Variants in CALD1 observed in about 807,000 individuals in gnomAD.
The protein encoded by CALD1 is caldesmon.
Under a neutral mutation model 99.9 loss-of-function variants are expected in CALD1, and 33 were observed. The observed-to-expected ratio is 0.33, with a 90% confidence interval of 0.25 to 0.44. CALD1 has a LOEUF of 0.44. Ranked by LOEUF, CALD1 falls within the 20% of genes least tolerant of loss-of-function variation. CALD1 has a pLI of 1.00. For synonymous variants in CALD1, 310 were observed against 325.0 expected (o/e 0.95, Z 0.50); for missense variants, 861 against 962.1 (o/e 0.89, Z 1.39).
In CALD1 at chr7:134,968,593, C is replaced by T; in HGVS notation, c.*248C>T. ...AGAAACCCATGCTGTGAAATAGAGA[C>T]TTTTCTACTGATCATCATAACTCTG... On this transcript the variant is annotated 3_prime_UTR_variant, in exon 15 of 15. Transcript: ENST00000361675. 1 of 685,590 alleles carries T rather than the reference C, an allele frequency of 1.5e-6. No individual in the cohort carries two copies. Among genetic ancestry groups the T allele is most frequent in the Non-Finnish European group, 2.7e-6 (1 of 373,860 alleles). 42.5% of individuals were successfully genotyped at this position (685,590 alleles called of 1,614,324 possible).
At chr7:134,899,338 G>A (rs1563078995) in intron 3 of CALD1, among the ~76,000 whole-genome samples, 1 of 151,686 alleles carries the variant, frequency 6.6e-6, no homozygotes. Flanking sequence ...TGAGTAGCTG[G>A]GATTACAGGC....
chr7:134,836,772 T>C (rs1799459133), intron 1 of CALD1, among the ~76,000 whole-genome samples: 1 of 152,218 alleles, frequency 6.6e-6, no homozygotes, highest in South Asian at 2.1e-4. Context: ...GTACAGAACT[T>C]TTCATGAAGC....
intron 3 of CALD1, among the ~76,000 whole-genome samples, chr7:134,876,898 T>G (rs1187932921): frequency 6.6e-6 from 1 of 152,174 alleles, no homozygotes; most frequent in Non-Finnish European, 1.5e-5. Context: ...TGGGACAGAT[T>G]TGGAGTGGGA....
At chr7:134,932,663 C>T (rs1805607852) in intron 4 of CALD1, among the ~76,000 whole-genome samples, 1 of 152,152 alleles carries the variant, frequency 6.6e-6, no homozygotes, top group African/African-American at 2.4e-5. Context: ...ATACACACCT[C>T]GGAGTTATCC....
At chr7:134,813,709 G>C (rs10248868) in intron 1 of CALD1, among the ~76,000 whole-genome samples, 6,723 of 152,238 alleles carry the variant, frequency 0.044, 483 homozygotes, top group African/African-American at 0.15. Context: ...AGGATGTTTG[G>C]ACTTGGGAAA....
chr7:134,827,618 C>T lies in CALD1; in HGVS notation c.-129-16266C>T, dbSNP rs187744307. Among the ~76,000 whole-genome samples the T allele has an allele frequency of 9.7e-4, 148 of 152,292 alleles. 3 individuals carry two copies. The highest frequency in any genetic ancestry group is 8.2e-3 in the Admixed American group (125 of 15,300). ...CTTTCTGGACTTGGCCAGATGACAA[C>T]GGCAATGGCCCAGGCACAGGAAAGA... On this transcript the variant is annotated intron_variant, in intron 1 of 14. Transcript: ENST00000361675.
the CALD1 span, among the ~76,000 whole-genome samples, chr7:134,738,463 G>A: frequency 6.6e-6 from 1 of 152,056 alleles, no homozygotes; most frequent in African/African-American, 2.4e-5. Flanking sequence ...AGATTTTCTG[G>A]CTTAACAATT....
rs185900275 is a variant in CALD1, at chr7:134,787,394, T to A, written c.-130+7645T>A. On this transcript the variant is annotated intron_variant, in intron 1 of 14. Transcript: ENST00000361675. ...AGGGGTGAATCTAGGAGAAAAAAAA[T>A]TTTAAGTATTTCTGTTCTTAGGAGG... Among the ~76,000 whole-genome samples the A allele has an allele frequency of 4.7e-4, 71 of 152,156 alleles. No homozygotes were observed. The East Asian group carries it at 7.5e-3, about 16-fold the overall frequency.
chr7:134,782,517 T>C (rs1797145773), intron 1 of CALD1, among the ~76,000 whole-genome samples: 1 of 152,234 alleles, frequency 6.6e-6, no homozygotes, highest in Admixed American at 6.5e-5. Context: ...GCTTAACTTA[T>C]GAGAACCACT....
At chr7:134,957,938 C>T (rs1807899929) in intron 9 of CALD1, 131 bp from the exon 10 acceptor site, 1 of 683,048 alleles carries the variant, frequency 1.5e-6, no homozygotes, top group Admixed American at 2.3e-5. Context: ...GAGCTACGCA[C>T]AGTAACTCAA....
At chr7:134,712,885 GA>G in the CALD1 span, among the ~76,000 whole-genome samples, 1 of 152,160 alleles carries the variant, frequency 6.6e-6, no homozygotes, top group African/African-American at 2.4e-5. Flanking sequence ...AATCCAAGAG[GA>G]AAACATGCCT....
chr7:134,871,154 C>A (rs904351999), intron 3 of CALD1, among the ~76,000 whole-genome samples: 6 of 152,044 alleles, frequency 3.9e-5, no homozygotes, highest in Middle Eastern at 3.2e-3. Flanking sequence ...TTTTTTCTCG[C>A]TTTTGGTATT....
chr7:134,784,677 T>C (rs1033482455), intron 1 of CALD1, among the ~76,000 whole-genome samples: 1 of 152,160 alleles, frequency 6.6e-6, no homozygotes, highest in Non-Finnish European at 1.5e-5. Context: ...AGGGCCAGGA[T>C]TGTAAGACAC....
At chr7:134,720,875 T>C in the CALD1 span, among the ~76,000 whole-genome samples, 1 of 152,218 alleles carries the variant, frequency 6.6e-6, no homozygotes, top group African/African-American at 2.4e-5. Context: ...ACAGTGTGTA[T>C]TTTACATTTT....
intron 1 of CALD1, among the ~76,000 whole-genome samples, chr7:134,786,256 T>G (rs1471568094): frequency 6.6e-6 from 1 of 152,218 alleles, no homozygotes; most frequent in Non-Finnish European, 1.5e-5. Context: ...TCTTACATCA[T>G]ATGTGCTACT....
intron 2 of CALD1, among the ~76,000 whole-genome samples, chr7:134,853,460 G>T (rs567097423): frequency 6.6e-6 from 1 of 152,112 alleles, no homozygotes; most frequent in Non-Finnish European, 1.5e-5. Flanking sequence ...TTACCACCCA[G>T]ATCTTATTCT....
At chr7:134,818,616 A>T (rs549181054) in intron 1 of CALD1, among the ~76,000 whole-genome samples, 1 of 152,286 alleles carries the variant, frequency 6.6e-6, no homozygotes, top group African/African-American at 2.4e-5. Context: ...GATGAAGCCA[A>T]TTTTTCATAG....
chr7:134,863,867 A>T (rs900822676), intron 2 of CALD1, among the ~76,000 whole-genome samples: 6 of 152,022 alleles, frequency 3.9e-5, no homozygotes, highest in Non-Finnish European at 5.9e-5. Context: ...GAAAGAGAAA[A>T]TTTTTTTTAA....
chr7:134,773,870 C>G (rs1796896764), intron 1 of CALD1, among the ~76,000 whole-genome samples: 1 of 150,672 alleles, frequency 6.6e-6, no homozygotes, highest in Non-Finnish European at 1.5e-5. Flanking sequence ...ATGTGATGCT[C>G]ATATTTAAGA....
Sources: gnomAD v4.1 joint callset for allele counts (sites outside exome capture counted in the v4.1 genomes callset) on GRCh38, gnomAD v4.1.1 for gene constraint, MANE v1.5 for transcripts, NCBI Gene and HGNC (gene_info 2026-07-23, HGNC 2026-07-21) for gene names.